The following IMPG1 variants were observed in gnomAD, a reference collection of about 807,000 sequenced individuals.
IMPG1 encodes interphotoreceptor matrix proteoglycan 1.
Under a neutral mutation model 92.0 loss-of-function variants are expected in IMPG1, and 85 were observed. That is an observed-to-expected ratio of 0.92 (90% CI 0.78 to 1.11). The LOEUF (loss-of-function observed/expected upper bound fraction) is 1.11. Among genes scored for constraint, IMPG1 ranks in the 50% least tolerant of loss-of-function variants. The probability of loss-of-function intolerance (pLI) is 0.00; values close to 1 mark genes in which losing one functional copy is unlikely to be tolerated. For missense variants in IMPG1, 1,022 were observed against 956.0 expected (o/e 1.07, Z -0.91); for synonymous variants, 367 against 334.1 (o/e 1.10, Z -1.08).
chr6:75,935,475 T>C (rs1456639551), intron 14 of IMPG1, among the ~76,000 whole-genome samples: 3 of 152,200 alleles, frequency 2.0e-5, no homozygotes, highest in Non-Finnish European at 4.4e-5. Context: ...GCGTCGGCGC[T>C]GGGGGGTCGA....
chr6:75,964,142 G>T (rs1394646899), intron 12 of IMPG1, among the ~76,000 whole-genome samples: 1 of 152,158 alleles, frequency 6.6e-6, no homozygotes, highest in African/African-American at 2.4e-5. Flanking sequence ...AAGGACCTAA[G>T]AATGCATATA....
chr6:75,981,332 T>G (rs1317812655), intron 12 of IMPG1, among the ~76,000 whole-genome samples: 3 of 152,206 alleles, frequency 2.0e-5, no homozygotes, highest in African/African-American at 7.2e-5. Context: ...AGCTTTGAAC[T>G]CCGATGAGTA....
At chr6:76,049,730 G>C (rs1392628131) in intron 1 of IMPG1, among the ~76,000 whole-genome samples, 1 of 152,064 alleles carries the variant, frequency 6.6e-6, no homozygotes, top group South Asian at 2.1e-4. Flanking sequence ...CAGAGATCTA[G>C]CACAGTAGGA....
At chr6:76,039,249 G>C (rs529805732) in intron 2 of IMPG1, among the ~76,000 whole-genome samples, 2 of 152,290 alleles carry the variant, frequency 1.3e-5, no homozygotes, top group East Asian at 3.9e-4. Flanking sequence ...TTTCCAGGTG[G>C]TGGTGATGCT....
chr6:75,922,123 T>G lies in IMPG1; in HGVS notation c.2360A>C (p.Glu787Ala), dbSNP rs770645809. The change falls in exon 17 of 17, where the codon GAA (glutamate) becomes GCA (alanine). Residue 787 changes from glutamate to alanine, a missense_variant. This residue lies in a region of IMPG1 where 332 missense variants were observed against 346.2 expected (regional missense o/e 0.96). Transcript: ENST00000369950. Reference protein sequence around the residue: ...RNSELLTVEYEEFNHQDWEGN With the variant: ...RNSELLTVEYAEFNHQDWEGN Reference sequence around the variant, plus strand: ...TTCCCAATCTTGATGGTTAAATTCTTCATATTCTACGGTCAGTAATTCAGA... The same window carrying G: ...TTCCCAATCTTGATGGTTAAATTCTGCATATTCTACGGTCAGTAATTCAGA... The G allele has an allele frequency of 1.4e-6, 2 of 1,390,734 alleles. No individual in the cohort carries two copies. Among genetic ancestry groups the G allele is most frequent in the Non-Finnish European group, 2.0e-6 (2 of 987,234 alleles). 86.1% of individuals were successfully genotyped at this position (1,390,734 alleles called of 1,614,324 possible).
At chr6:75,977,302 A>C (rs1314292948) in intron 12 of IMPG1, among the ~76,000 whole-genome samples, 1 of 152,022 alleles carries the variant, frequency 6.6e-6, no homozygotes, top group Admixed American at 6.6e-5. Context: ...CTAAAGACTT[A>C]AGCCGCCAGG....
intron 12 of IMPG1, among the ~76,000 whole-genome samples, chr6:75,953,661 G>A (rs960010716): frequency 2.0e-5 from 3 of 150,208 alleles, no homozygotes; most frequent in South Asian, 2.1e-4. Flanking sequence ...TGTGCAGAAC[G>A]TGCAGGTTTG....
At chr6:75,939,809 A>G (rs1414555814) in intron 14 of IMPG1, among the ~76,000 whole-genome samples, 6 of 152,318 alleles carry the variant, frequency 3.9e-5, no homozygotes, top group South Asian at 4.1e-4. Flanking sequence ...GTCTCTGTGG[A>G]AAGGTAGGAG....
At chr6:76,035,790 C>T (rs1365109990) in intron 2 of IMPG1, among the ~76,000 whole-genome samples, 3 of 152,146 alleles carry the variant, frequency 2.0e-5, no homozygotes, top group African/African-American at 7.2e-5. Context: ...CTTATTGTGG[C>T]ACGGTGCCTC....
In IMPG1 at chr6:75,951,798, T is replaced by A. The variant is rs572785365; in HGVS notation, c.1292-704A>T. ...TAATATTTAAAACCTCTCAATTAGC[T>A]GGGTGTAGTAGTACACGCCTGTAAT... On this transcript the variant is annotated intron_variant, in intron 12 of 16. Transcript: ENST00000369950. Among the ~76,000 whole-genome samples, 40 of 152,270 alleles carry A rather than the reference T, an allele frequency of 2.6e-4. No individual in the cohort carries two copies. The South Asian group carries it at 8.1e-3, about 31-fold the overall frequency.
intron 12 of IMPG1, among the ~76,000 whole-genome samples, chr6:75,958,928 G>A (rs754536523): frequency 1.3e-5 from 2 of 152,048 alleles, no homozygotes; most frequent in Non-Finnish European, 2.9e-5. Flanking sequence ...GTGATGACAA[G>A]TTGCGATCCT....
intron 14 of IMPG1, among the ~76,000 whole-genome samples, chr6:75,942,661 G>A (rs540336571): frequency 1.6e-4 from 25 of 152,258 alleles, no homozygotes; most frequent in Non-Finnish European, 2.5e-4. Context: ...CAGCTCACCC[G>A]TCAGTCACCA....
chr6:75,978,924 G>T (rs1782581360), intron 12 of IMPG1, among the ~76,000 whole-genome samples: 1 of 151,952 alleles, frequency 6.6e-6, no homozygotes. Flanking sequence ...TTTTTGGGGG[G>T]TGGGGAGGAC....
intron 15 of IMPG1, among the ~76,000 whole-genome samples, chr6:75,930,107 C>A (rs1781638663): frequency 6.6e-6 from 1 of 152,210 alleles, no homozygotes; most frequent in African/African-American, 2.4e-5. Flanking sequence ...ACCTTCATAA[C>A]ACTCTAAAGT....
intron 12 of IMPG1, among the ~76,000 whole-genome samples, chr6:75,967,092 T>C (rs1782319757): frequency 6.6e-6 from 1 of 152,018 alleles, no homozygotes; most frequent in Non-Finnish European, 1.5e-5. Context: ...GGCAAGAGAA[T>C]CACTTGAACC....
At chr6:75,994,611 G>T (rs540780130) in intron 12 of IMPG1, among the ~76,000 whole-genome samples, 1 of 152,190 alleles carries the variant, frequency 6.6e-6, no homozygotes, top group Non-Finnish European at 1.5e-5. Flanking sequence ...GAGAGCTTGG[G>T]CAGGGGAACT....
At position 76,011,186 on chromosome 6, in the gene IMPG1, T is replaced by G. The variant is rs759788971; in HGVS notation, c.846A>C (p.Lys282Asn). ...KIFKKLPGFK[K>N]IHVLGFRPKK... is the part of the protein sequence containing the mutation. ...CTTACCTAAATCCTAACACATGGAT[T>G]TTTTTGAATCCTGGAAGTTTCTTAA... Residue 282 changes from lysine (K) to asparagine (N), a missense_variant, in exon 8 of 17, where the codon AAA (lysine) becomes AAC (asparagine). By Grantham distance (94) the Lys-to-Asn change is moderately conservative (BLOSUM62 0). Around this residue, in one of 3 missense-constraint regions of IMPG1, gnomAD observed 681 missense variants for 583.6 expected, o/e 1.17. Coordinates refer to ENST00000369950, the MANE Select transcript of IMPG1 (RefSeq NM_001563.4). The G allele has an allele frequency of 3.0e-5, 46 of 1,548,878 alleles. No individual in the cohort carries two copies. Among genetic ancestry groups the G allele is most frequent in the Non-Finnish European group, 3.8e-5 (43 of 1,122,158 alleles).
Position 75,923,669 on chromosome 6 carries a change from T to C in IMPG1, c.2281A>G (p.Ser761Gly), listed in dbSNP as rs764949025. The C allele has an allele frequency of 1.3e-6, 2 of 1,594,328 alleles. No homozygotes were observed. Among genetic ancestry groups the C allele is most frequent in the South Asian group, 1.1e-5 (1 of 90,146 alleles). ...DHSENQAYKT[S>G]VKKFQNQQNN... ...TGTTGATTTTGGAACTTTTTAACAC[T>C]AGTTTTGTATGCTTGATTTTCAGAG... is the stretch of plus-strand genomic sequence containing the variant. Residue 761 changes from serine (S) to glycine (G), a missense_variant, in exon 16 of 17, where the codon AGT becomes GGT. By Grantham distance (56) the Ser-to-Gly change is moderately conservative. Around this residue, in one of 3 missense-constraint regions of IMPG1, gnomAD observed 332 missense variants for 346.2 expected, o/e 0.96. Coordinates refer to ENST00000369950, the MANE Select transcript of IMPG1 (RefSeq NM_001563.4).
At chr6:76,055,989 T>C (rs992119345) in intron 1 of IMPG1, among the ~76,000 whole-genome samples, 4 of 152,006 alleles carry the variant, frequency 2.6e-5, no homozygotes, top group African/African-American at 9.7e-5. Flanking sequence ...AAAATGTAAT[T>C]CCATTTTCCT....
Sources: gnomAD v4.1 joint callset for allele counts (sites outside exome capture counted in the v4.1 genomes callset) on GRCh38, gnomAD v4.1.1 for gene constraint, gnomAD v4.1.1 regional missense constraint, MANE v1.5 for transcripts, NCBI Gene and HGNC (gene_info 2026-07-23, HGNC 2026-07-21) for gene names.